Variants in IPO7 observed in about 807,000 individuals in gnomAD.
IPO7 encodes the protein importin 7, also known as importin-7.
A neutral mutation model predicts 136.4 loss-of-function variants in IPO7; 13 were observed. The observed-to-expected ratio is 0.10, with a 90% confidence interval of 0.06 to 0.15. The LOEUF (loss-of-function observed/expected upper bound fraction) is 0.15, where lower values mean the gene tolerates loss of function less well. IPO7 is among the 10% of genes least tolerant of loss of function. The probability of loss-of-function intolerance (pLI) is 1.00; values close to 1 mark genes in which losing one functional copy is unlikely to be tolerated. For synonymous variants in IPO7, 403 were observed against 404.4 expected (o/e 1.00, Z 0.04); for missense variants, 857 against 1,240.6 (o/e 0.69, Z 4.65).
At chr11:9,415,040 G>A (rs952519542) in intron 5 of IPO7, among the ~76,000 whole-genome samples, 4 of 151,944 alleles carry the variant, frequency 2.6e-5, no homozygotes, top group African/African-American at 9.7e-5. Flanking sequence ...AATCTGGGCC[G>A]GGCACTGTGA....
At chr11:9,429,455 A>G (rs539582150) in intron 14 of IPO7, among the ~76,000 whole-genome samples, 1 of 152,192 alleles carries the variant, frequency 6.6e-6, no homozygotes, top group South Asian at 2.1e-4. Flanking sequence ...GCAGTGTGCT[A>G]CGATTGCCAC....
chr11:9,431,076 G>A, intron 16 of IPO7, 73 bp downstream of exon 16: 1 of 1,200,778 alleles, frequency 8.3e-7, no homozygotes, highest in East Asian at 2.4e-5. Flanking sequence ...TATCTCTCTG[G>A]CATCTCATGT....
chr11:9,444,999 A>AATG, intron 24 of IPO7, 98 bp from the exon 25 acceptor site: 1 of 754,862 alleles, frequency 1.3e-6, no homozygotes, highest in Non-Finnish European at 2.3e-6. Flanking sequence ...CCTGGCCACT[A>AATG]ATGATGGTTA....
chr11:9,388,845 A>G (rs1210032366), intron 1 of IPO7, among the ~76,000 whole-genome samples: 3 of 152,098 alleles, frequency 2.0e-5, no homozygotes, highest in Admixed American at 1.3e-4. Flanking sequence ...GGGACTGCAG[A>G]CACGTGCTAC....
At chr11:9,442,477 G>A (rs751978650) in intron 24 of IPO7, among the ~76,000 whole-genome samples, 7 of 151,766 alleles carry the variant, frequency 4.6e-5, no homozygotes, top group East Asian at 2.0e-4. Context: ...GCAGTGATGC[G>A]ATGTCAGCTC....
rs187278033 is a variant in IPO7, at chr11:9,385,735, T to C, written c.84+888T>C. On this transcript the variant is annotated intron_variant, in intron 1 of 24. Coordinates refer to ENST00000379719, the MANE Select transcript of IPO7 (RefSeq NM_006391.3). ...TTGCATTCTCTGAAGGTTTTTTTTTTCCCCCATATTTTGTGGGGACCGCTC... is the reference window on the plus strand; with the variant it reads ...TTGCATTCTCTGAAGGTTTTTTTTTCCCCCCATATTTTGTGGGGACCGCTC... 4.1e-3 allele frequency among the ~76,000 whole-genome samples: 621 copies of C among 152,232 alleles called. 1 individual carries two copies. The highest frequency in any genetic ancestry group is 0.014 in the African/African-American group (591 of 41,540).
At chr11:9,429,604 G>T in intron 14 of IPO7, 70 bp from the exon 15 acceptor site, 2 of 1,254,332 alleles carry the variant, frequency 1.6e-6, no homozygotes, top group South Asian at 1.4e-5. Flanking sequence ...AAAACTCATC[G>T]ATATTTGTTA....
chr11:9,434,317 T>G (rs918381045), intron 18 of IPO7, among the ~76,000 whole-genome samples: 1 of 152,178 alleles, frequency 6.6e-6, no homozygotes, highest in Non-Finnish European at 1.5e-5. Context: ...GATATTGATT[T>G]CTGCTATATA....
At chr11:9,409,170 G>A (rs990508320) in intron 3 of IPO7, among the ~76,000 whole-genome samples, 4 of 150,916 alleles carry the variant, frequency 2.7e-5, no homozygotes, top group African/African-American at 7.3e-5. Flanking sequence ...GTGAGGTGGC[G>A]CAATCTCGGC....
rs530748237 is a variant in IPO7 at position 9,397,613 on chromosome 11, A to C, written c.85-5677A>C. Among the ~76,000 whole-genome samples, 6 of 151,756 alleles carry C rather than the reference A, an allele frequency of 4.0e-5. No individual in the cohort carries two copies. In the South Asian group the frequency reaches 1.2e-3, roughly 32 times the overall value. ...TAATCATATAAAGTAGTCTGTTTCA[A>C]GTTAAGGAAAAACTTCAGTGTTGGG... is the stretch of plus-strand genomic sequence containing the variant. On this transcript the variant is annotated intron_variant, in intron 1 of 24. Coordinates refer to ENST00000379719, the MANE Select transcript of IPO7 (RefSeq NM_006391.3).
intron 5 of IPO7, among the ~76,000 whole-genome samples, chr11:9,416,188 A>G (rs1370256129): frequency 6.6e-6 from 1 of 152,172 alleles, no homozygotes; most frequent in Non-Finnish European, 1.5e-5. Flanking sequence ...GAAGGAAGAA[A>G]GATCTATGAC....
chr11:9,403,560 C>T, intron 2 of IPO7, 189 bp downstream of exon 2: 1 of 515,406 alleles, frequency 1.9e-6, no homozygotes, highest in South Asian at 2.9e-5. Context: ...AATAATTTGA[C>T]ATTTAGTTGA....
At chr11:9,385,278 G>T (rs1854536336) in intron 1 of IPO7, among the ~76,000 whole-genome samples, 1 of 152,202 alleles carries the variant, frequency 6.6e-6, no homozygotes, top group Non-Finnish European at 1.5e-5. Flanking sequence ...TCCTGGGAAT[G>T]CCGGCTGGTC....
chr11:9,398,804 C>CAG (rs1347716733), intron 1 of IPO7, among the ~76,000 whole-genome samples: 2 of 152,180 alleles, frequency 1.3e-5, no homozygotes, highest in Non-Finnish European at 2.9e-5. Context: ...GGTTACCCTA[C>CAG]AGTGCTATAG....
chr11:9,418,634 C>A (rs1480118277), intron 6 of IPO7, among the ~76,000 whole-genome samples: 1 of 152,158 alleles, frequency 6.6e-6, no homozygotes, highest in African/African-American at 2.4e-5. Context: ...TTTTTCTTTG[C>A]ACATTTAATA....
chr11:9,396,551 T>G (rs1854711460), intron 1 of IPO7, among the ~76,000 whole-genome samples: 1 of 152,060 alleles, frequency 6.6e-6, no homozygotes, highest in African/African-American at 2.4e-5. Flanking sequence ...ACAAAGAAAA[T>G]TCATATCTTA....
chr11:9,447,121 T>C lies in IPO7; in HGVS notation c.*1927T>C, dbSNP rs1482042294. On this transcript the variant is annotated 3_prime_UTR_variant, in exon 25 of 25. Coordinates refer to ENST00000379719, the MANE Select transcript of IPO7 (RefSeq NM_006391.3). ...CATTCTCGTCTTCCTTTACCTTTAA[T>C]CCCCTAATACCTAGTCTACTTTTTA... 2 of 152,206 alleles carry C rather than the reference T, an allele frequency of 1.3e-5. No individual in the cohort carries two copies. Among genetic ancestry groups the C allele is most frequent in the Non-Finnish European group, 1.5e-5 (1 of 68,036 alleles). The allele number at this position is 152,206 out of a possible 1,614,324, so 9.4% of individuals were successfully genotyped here. A position where few individuals can be genotyped will look rare whatever the true frequency, so the allele number is the denominator to read the frequency against.
chr11:9,416,581 T>G (rs1302103026), intron 5 of IPO7, among the ~76,000 whole-genome samples: 1 of 152,212 alleles, frequency 6.6e-6, no homozygotes, highest in Non-Finnish European at 1.5e-5. Context: ...AACTTTTTTA[T>G]TGGCCTACTG....
intron 23 of IPO7, among the ~76,000 whole-genome samples, chr11:9,440,976 C>T (rs562745296): frequency 2.0e-3 from 305 of 152,320 alleles, no homozygotes; most frequent in Non-Finnish European, 3.3e-3. Context: ...ACCACTCTTA[C>T]GTGTATACCT....
Sources: allele counts gnomAD v4.1 joint callset (sites outside exome capture counted in the v4.1 genomes callset), GRCh38; gene constraint gnomAD v4.1.1; transcripts MANE v1.5; gene names NCBI Gene and HGNC (gene_info 2026-07-23, HGNC 2026-07-21).